STPG2: variants seen among roughly 807,000 people sequenced by gnomAD.
STPG2 encodes sperm-tail PG-rich repeat-containing protein 2.
Under a neutral mutation model 54.2 loss-of-function variants are expected in STPG2, and 56 were observed. The observed-to-expected ratio is 1.03, with a 90% CI of 0.83 to 1.29. STPG2 has a LOEUF of 1.29. Ranked by LOEUF, STPG2 falls within the 50% of genes most tolerant of loss-of-function variation. The pLI is 0.00. For missense variants in STPG2, 596 were observed against 544.9 expected, an observed-to-expected ratio of 1.09 and a Z score of -0.93; for synonymous variants, 200 against 181.8, an observed-to-expected ratio of 1.10 and a Z score of -0.81.
At chr4:97,698,709 T>G (rs1723667028) in intron 10 of STPG2, among the ~76,000 whole-genome samples, 1 of 152,112 alleles carries the variant, frequency 6.6e-6, no homozygotes, top group Admixed American at 6.6e-5. Flanking sequence ...ATTCAGAGCA[T>G]TCATGGCCTT....
intron 9 of STPG2, among the ~76,000 whole-genome samples, chr4:97,741,277 C>T (rs1184614695): frequency 2.6e-5 from 4 of 152,170 alleles, no homozygotes; most frequent in Non-Finnish European, 5.9e-5. Flanking sequence ...AAAACCTAGG[C>T]ATTATCACTC....
In STPG2 at chr4:97,774,973, G is replaced by A. The variant is rs182797038; in HGVS notation, c.1205-62159C>T. Among the ~76,000 whole-genome samples the A allele has an allele frequency of 1.3e-3, 199 of 152,242 alleles. 1 individual carries two copies. The highest frequency in any genetic ancestry group is 4.5e-3 in the African/African-American group (188 of 41,550). On this transcript the variant is annotated intron_variant, in intron 9 of 10. Coordinates refer to ENST00000295268, the MANE Select transcript of STPG2 (RefSeq NM_174952.3). ...CCGGCTCAGTGATGTCCAAACACAG[G>A]CAATGGTTACACCTGGCTATGACTG... is the stretch of plus-strand genomic sequence containing the variant.
intron 4 of STPG2, among the ~76,000 whole-genome samples, chr4:97,539,046 T>G (rs1162354364): frequency 6.6e-6 from 1 of 152,110 alleles, no homozygotes; most frequent in Non-Finnish European, 1.5e-5. Context: ...AAGGAAGCAC[T>G]AAACATGGAA....
intron 8 of STPG2, among the ~76,000 whole-genome samples, chr4:97,942,844 C>A (rs1444372860): frequency 1.3e-5 from 2 of 152,212 alleles, no homozygotes; most frequent in Admixed American, 1.3e-4. Context: ...TTTAATAATC[C>A]TGTTTTGAAA....
chr4:98,140,026 A>G (rs1740236852), intron 1 of STPG2, among the ~76,000 whole-genome samples: 1 of 152,218 alleles, frequency 6.6e-6, no homozygotes, highest in Non-Finnish European at 1.5e-5. Flanking sequence ...ATATAGAATC[A>G]AAGTGCTATA....
intron 10 of STPG2, among the ~76,000 whole-genome samples, chr4:97,637,163 C>T (rs1425748009): frequency 5.3e-5 from 8 of 152,188 alleles, no homozygotes; most frequent in Admixed American, 5.2e-4. Context: ...TGGGCTTCAT[C>T]CCTGGGATGC....
intron 4 of STPG2, among the ~76,000 whole-genome samples, chr4:97,506,794 TAG>T (rs1289885176): frequency 6.6e-6 from 1 of 151,050 alleles, no homozygotes; most frequent in Non-Finnish European, 1.5e-5. Context: ...AATAAGCTAA[TAG>T]AGAGAGAGAA....
intron 8 of STPG2, among the ~76,000 whole-genome samples, chr4:97,863,444 T>G (rs989475305): frequency 1.1e-4 from 16 of 151,994 alleles, no homozygotes; most frequent in African/African-American, 2.2e-4. Context: ...CTGAAATTGA[T>G]GCAATAATTA....
At chr4:97,646,310 A>G (rs1039627221) in intron 10 of STPG2, among the ~76,000 whole-genome samples, 2 of 152,160 alleles carry the variant, frequency 1.3e-5, no homozygotes, top group African/African-American at 4.8e-5. Context: ...CCATTTGTAT[A>G]TCAATGTAGT....
At chr4:97,566,517 C>T (rs545177482) in intron 10 of STPG2, among the ~76,000 whole-genome samples, 12 of 152,246 alleles carry the variant, frequency 7.9e-5, no homozygotes, top group East Asian at 7.7e-4. Context: ...AGAAATCACC[C>T]GTCTTCTGCG....
At chr4:97,939,484 T>C (rs1732893834) in intron 8 of STPG2, among the ~76,000 whole-genome samples, 1 of 152,188 alleles carries the variant, frequency 6.6e-6, no homozygotes, top group Admixed American at 6.5e-5. Context: ...CTGAGTTCTC[T>C]TTGTTGGGTG....
At chr4:97,923,349 C>T (rs978247186) in intron 8 of STPG2, among the ~76,000 whole-genome samples, 3 of 148,344 alleles carry the variant, frequency 2.0e-5, no homozygotes, top group East Asian at 2.1e-4. Context: ...CCGACAAGTG[C>T]CGCCCCCTGC....
At chr4:98,023,457 C>G (rs988878258) in intron 5 of STPG2, among the ~76,000 whole-genome samples, 14 of 152,316 alleles carry the variant, frequency 9.2e-5, no homozygotes, top group South Asian at 2.1e-4. Context: ...GGGGGTGCCT[C>G]CCAGTTAGGC....
chr4:98,062,022 A>C (rs182531790), intron 5 of STPG2, among the ~76,000 whole-genome samples: 2 of 152,334 alleles, frequency 1.3e-5, no homozygotes, highest in African/African-American at 4.8e-5. Flanking sequence ...CACCATTCAC[A>C]AGAGCAAAGA....
intron 8 of STPG2, among the ~76,000 whole-genome samples, chr4:97,930,370 G>A (rs1053099026): frequency 6.6e-6 from 1 of 152,092 alleles, no homozygotes; most frequent in Non-Finnish European, 1.5e-5. Context: ...ATAAAAAGGG[G>A]GTCCAGCTTC....
At chr4:98,036,749 C>T (rs1472616452) in intron 5 of STPG2, among the ~76,000 whole-genome samples, 7 of 151,958 alleles carry the variant, frequency 4.6e-5, no homozygotes, top group Non-Finnish European at 7.4e-5. Context: ...GTACAACAAA[C>T]CCCCTTGACA....
chr4:97,533,364 A>AT (rs1280499438), intron 4 of STPG2, among the ~76,000 whole-genome samples: 1 of 152,044 alleles, frequency 6.6e-6, no homozygotes, highest in Non-Finnish European at 1.5e-5. Context: ...TATGGAATGA[A>AT]TTTTTTTAAA....
chr4:97,735,106 ACAAT>A (rs1244558697), intron 9 of STPG2, among the ~76,000 whole-genome samples: 4 of 152,056 alleles, frequency 2.6e-5, no homozygotes, highest in African/African-American at 4.8e-5. Context: ...AACAAAGGAA[ACAAT>A]CAATAAAAAG....
At chr4:97,946,921 C>T (rs1014233781) in intron 7 of STPG2, among the ~76,000 whole-genome samples, 4 of 152,056 alleles carry the variant, frequency 2.6e-5, no homozygotes, top group Admixed American at 1.3e-4. Flanking sequence ...TCTTTTAATT[C>T]TGTGAAAAAT....
Sources: allele counts gnomAD v4.1 joint callset (sites outside exome capture counted in the v4.1 genomes callset), GRCh38; gene constraint gnomAD v4.1.1; transcripts MANE v1.5; gene names NCBI Gene and HGNC (gene_info 2026-07-23, HGNC 2026-07-21).